PDE1A: variants seen among roughly 807,000 people sequenced by gnomAD.
PDE1A encodes phosphodiesterase 1A, also known as dual specificity calcium/calmodulin-dependent 3',5'-cyclic nucleotide phosphodiesterase 1A.
PDE1A carries 35 observed loss-of-function variants against 61.7 expected under a neutral mutation model. The ratio of observed to expected loss-of-function variants is 0.57; its 90% CI spans 0.43 to 0.75. The LOEUF is 0.75. Ranked by LOEUF, PDE1A falls within the 30% of genes least tolerant of loss-of-function variation. PDE1A has a pLI of 0.00. For missense variants in PDE1A, 597 were observed against 630.6 expected (o/e 0.95, Z 0.57); for synonymous variants, 232 against 213.2 (o/e 1.09, Z -0.77).
At chr2:182,493,403 G>A (rs934512153) in intron 2 of PDE1A, among the ~76,000 whole-genome samples, 2 of 151,984 alleles carry the variant, frequency 1.3e-5, no homozygotes, top group South Asian at 4.1e-4. Flanking sequence ...ATTTACATTA[G>A]GCATAGCTCC....
At chr2:182,713,088 C>T in the PDE1A span, among the ~76,000 whole-genome samples, 1 of 152,174 alleles carries the variant, frequency 6.6e-6, no homozygotes. Context: ...AAGAACTATG[C>T]ACTTGCTGTT....
the PDE1A span, among the ~76,000 whole-genome samples, chr2:182,659,984 G>T: frequency 6.6e-6 from 1 of 152,164 alleles, no homozygotes; most frequent in Non-Finnish European, 1.5e-5. Context: ...CTGACTAACA[G>T]CAAGACATTA....
chr2:182,248,252 CAAAAAAA>C (rs1197993496), intron 2 of PDE1A, among the ~76,000 whole-genome samples: 16 of 78,066 alleles, frequency 2.0e-4, no homozygotes, highest in Non-Finnish European at 3.5e-4. Context: ...GCAAGACTGT[CAAAAAAA>C]AAAAAAAAAG....
At chr2:182,231,242 T>C in intron 4 of PDE1A, 111 bp from the exon 5 acceptor site, 1 of 676,362 alleles carries the variant, frequency 1.5e-6, no homozygotes, top group Non-Finnish European at 2.6e-6. Context: ...CAATTTAGCA[T>C]GTCAAACTAC....
the PDE1A span, among the ~76,000 whole-genome samples, chr2:182,612,480 C>G: frequency 6.6e-6 from 1 of 152,106 alleles, no homozygotes; most frequent in African/African-American, 2.4e-5. Flanking sequence ...GCACCCTAGG[C>G]TATGACACTG....
the PDE1A span, among the ~76,000 whole-genome samples, chr2:182,549,785 A>T: frequency 6.6e-6 from 1 of 152,108 alleles, no homozygotes; most frequent in Non-Finnish European, 1.5e-5. Flanking sequence ...TTGTGTGTGT[A>T]TATGTTTATA....
intron 1 of PDE1A, among the ~76,000 whole-genome samples, chr2:182,299,548 C>T (rs906646345): frequency 6.7e-6 from 1 of 150,086 alleles, no homozygotes; most frequent in Non-Finnish European, 1.5e-5. Context: ...TCCCAATTAA[C>T]TCACCATTCT....
the PDE1A span, among the ~76,000 whole-genome samples, chr2:182,567,171 A>G: frequency 6.6e-6 from 1 of 152,192 alleles, no homozygotes; most frequent in Non-Finnish European, 1.5e-5. Context: ...AATTTGCTAT[A>G]ACATTACCAT....
upstream of PDE1A, among the ~76,000 whole-genome samples, chr2:182,526,039 G>A (rs1690769647): frequency 6.6e-6 from 1 of 152,064 alleles, no homozygotes; most frequent in Non-Finnish European, 1.5e-5. Context: ...GTGAGAACAA[G>A]AAATCATAGG....
At chr2:182,643,066 T>C in the PDE1A span, among the ~76,000 whole-genome samples, 2 of 152,176 alleles carry the variant, frequency 1.3e-5, no homozygotes, top group East Asian at 3.9e-4. Flanking sequence ...ATTCCCTGTC[T>C]AGTGCAGCCC....
At chr2:182,505,622 C>T (rs1011212631) in intron 2 of PDE1A, among the ~76,000 whole-genome samples, 4 of 152,098 alleles carry the variant, frequency 2.6e-5, no homozygotes, top group African/African-American at 9.7e-5. Context: ...TATATCCACC[C>T]CACATGCCCA....
the PDE1A span, among the ~76,000 whole-genome samples, chr2:182,531,117 C>A: frequency 6.6e-6 from 1 of 151,234 alleles, no homozygotes; most frequent in Non-Finnish European, 1.5e-5. Context: ...TCAAAAATAG[C>A]TATTTAAACA....
At chr2:182,606,602 T>G in the PDE1A span, among the ~76,000 whole-genome samples, 84,773 of 151,808 alleles carry the variant, frequency 0.56, 23,999 homozygotes, top group Admixed American at 0.67. Context: ...CCATGCCCTG[T>G]GGATGTTATA....
chr2:182,703,258 T>C, the PDE1A span, among the ~76,000 whole-genome samples: 2 of 152,226 alleles, frequency 1.3e-5, no homozygotes, highest in Non-Finnish European at 2.9e-5. Context: ...TCCTGTTAGA[T>C]TAATTTCAAT....
At chr2:182,298,327 T>C (rs1695023344) in intron 1 of PDE1A, among the ~76,000 whole-genome samples, 1 of 152,114 alleles carries the variant, frequency 6.6e-6, no homozygotes, top group Non-Finnish European at 1.5e-5. Context: ...CAGGGCAAGG[T>C]GCAAAGACCA....
chr2:182,598,693 G>C, the PDE1A span, among the ~76,000 whole-genome samples: 2 of 152,086 alleles, frequency 1.3e-5, no homozygotes, highest in African/African-American at 2.4e-5. Flanking sequence ...GCAGAGTAGG[G>C]GAATCCTCAC....
At chr2:182,573,994 C>CATAT in the PDE1A span, among the ~76,000 whole-genome samples, 1 of 143,142 alleles carries the variant, frequency 7.0e-6, no homozygotes, top group East Asian at 2.1e-4. Context: ...CACACACAAA[C>CATAT]ATATATATAT....
At chr2:182,520,803 T>C in intron 2 of PDE1A, among the ~76,000 whole-genome samples, 1 of 151,988 alleles carries the variant, frequency 6.6e-6, no homozygotes, top group Non-Finnish European at 1.5e-5. Flanking sequence ...GGTACTGATG[T>C]TCATCCACTC....
chr2:182,198,036 A>G (rs936183662), intron 10 of PDE1A, among the ~76,000 whole-genome samples: 3 of 151,922 alleles, frequency 2.0e-5, no homozygotes, highest in Non-Finnish European at 1.5e-5. Context: ...AGTCATTAAC[A>G]TATCTCTCCA....
Sources: allele counts gnomAD v4.1 joint callset (sites outside exome capture counted in the v4.1 genomes callset), GRCh38; gene constraint gnomAD v4.1.1; transcripts MANE v1.5; gene names NCBI Gene and HGNC (gene_info 2026-07-23, HGNC 2026-07-21).